SIX6: variants seen among roughly 807,000 people sequenced by gnomAD.
SIX6 encodes SIX homeobox 6, also known as homeobox protein SIX6.
Under a neutral mutation model 23.6 loss-of-function variants are expected in SIX6, and 14 were observed. The observed-to-expected ratio is 0.59, with a 90% CI of 0.39 to 0.93. The LOEUF (loss-of-function observed/expected upper bound fraction) is 0.93. Among genes scored for constraint, SIX6 ranks in the 40% least tolerant of loss-of-function variants. The probability of loss-of-function intolerance (pLI) is 0.00; values close to 1 mark genes in which losing one functional copy is unlikely to be tolerated. For missense variants in SIX6, 307 were observed against 325.6 expected, an observed-to-expected ratio of 0.94 and a Z score of 0.44; for synonymous variants, 128 against 144.9, an observed-to-expected ratio of 0.88 and a Z score of 0.84.
Position 60,509,471 on chromosome 14 carries a change from G to C in SIX6, c.73G>C (p.Gly25Arg). 6.2e-7 allele frequency: 1 copy of C among 1,600,814 alleles called. No individual in the cohort carries two copies. The highest frequency in any genetic ancestry group is 8.5e-7 in the Non-Finnish European group (1 of 1,179,940). Residue 25 changes from glycine to arginine, a missense_variant, in exon 1 of 2, where the codon GGC (glycine) becomes CGC (arginine). Transcript: ENST00000327720. Reference protein sequence around the residue: ...AGVCETLEESGDVERLGRFLW... With the variant: ...AGVCETLEESRDVERLGRFLW... Reference sequence around the variant, plus strand: ...GGTATGTGAGACCCTGGAAGAGAGCGGCGATGTGGAGCGCCTGGGTCGCTT... The same window carrying C: ...GGTATGTGAGACCCTGGAAGAGAGCCGCGATGTGGAGCGCCTGGGTCGCTT...
intron 1 of SIX6, 60 bp downstream of exon 1, chr14:60,510,030 C>T: frequency 7.0e-7 from 1 of 1,434,612 alleles, no homozygotes; most frequent in South Asian, 1.2e-5. Flanking sequence ...GTGGAGGCAC[C>T]TCTGGCGCCC....
rs1893303162 is a variant in SIX6 at position 60,512,037 on chromosome 14, GTATGTACCTA to G, written c.*788_*797del. On this transcript the variant is annotated 3_prime_UTR_variant, in exon 2 of 2. Transcript: ENST00000327720. ...TATGTATGTACCTATACAAACATAT[GTATGTACCTA>G]TACAAACATATGTATGTATGCATAC... is the stretch of plus-strand genomic sequence containing the variant. The G allele has an allele frequency of 4.6e-5, 7 of 151,356 alleles. No individual in the cohort carries two copies. The highest frequency in any genetic ancestry group is 7.4e-5 in the Non-Finnish European group (5 of 67,834). 9.4% of individuals were successfully genotyped at this position (151,356 alleles called of 1,614,324 possible).
Position 60,511,545 on chromosome 14 carries a change from C to A in SIX6, c.*293C>A, listed in dbSNP as rs1893294882. 2 of 551,276 alleles carry A rather than the reference C, an allele frequency of 3.6e-6. No homozygotes were observed. Among genetic ancestry groups the A allele is most frequent in the South Asian group, 2.1e-5 (1 of 48,718 alleles). The allele number at this position is 551,276 out of a possible 1,614,324, so 34.1% of individuals were successfully genotyped here. ...TGCAAAGTCTCCTTCGGAACCCGAA[C>A]TGCAAGCTGAGCGCCTGCCCAGATT... is the stretch of plus-strand genomic sequence containing the variant. On this transcript the variant is annotated 3_prime_UTR_variant, in exon 2 of 2. Transcript: ENST00000327720.
Position 60,511,166 on chromosome 14 carries a change from G to T in SIX6, c.655G>T (p.Ala219Ser), listed in dbSNP as rs1411963750. 1.9e-6 allele frequency: 3 copies of T among 1,611,846 alleles called. No homozygotes were observed. The highest frequency in any genetic ancestry group is 1.1e-5 in the South Asian group (1 of 91,038). Residue 219 changes from alanine (A) to serine (S), a missense_variant, in exon 2 of 2, where the codon GCC (alanine) becomes TCC (serine). Coordinates refer to ENST00000327720, the MANE Select transcript of SIX6 (RefSeq NM_007374.3). ...GDGTPEVLGV[A>S]TSPAASLSSK... ...CGGCACGCCAGAGGTGCTGGGCGTC[G>T]CCACCAGCCCGGCCGCCAGTCTATC...
chr14:60,510,168 TC>T (rs1468551434), intron 1 of SIX6, among the ~76,000 whole-genome samples, 198 bp downstream of exon 1: 2 of 152,068 alleles, frequency 1.3e-5, no homozygotes, highest in Non-Finnish European at 2.9e-5. Flanking sequence ...ACCCGCTGGC[TC>T]CCCACGCCTG....
At chr14:60,511,028 G>C in intron 1 of SIX6, 56 bp from the exon 2 acceptor site, 5 of 1,568,688 alleles carry the variant, frequency 3.2e-6, no homozygotes, top group Non-Finnish European at 4.3e-6. Flanking sequence ...TGGTGGGGGC[G>C]GGCGACGGGC....
rs763048653 is a variant in SIX6 at position 60,509,435 on chromosome 14, C to G, written c.37C>G (p.Gln13Glu). 2 of 1,599,760 alleles carry G rather than the reference C, an allele frequency of 1.3e-6. No homozygotes were observed. The highest frequency in any genetic ancestry group is 4.5e-5 in the East Asian group (2 of 44,878). ...QLPILNFSPQ[Q>E]VAGVCETLEE... is the part of the protein sequence containing the mutation. ...GCCCATCTTGAATTTCAGCCCCCAG[C>G]AAGTGGCCGGGGTATGTGAGACCCT... Residue 13 changes from glutamine (Q) to glutamate (E), a missense_variant, in exon 1 of 2, where the codon CAA (glutamine) becomes GAA (glutamate). By Grantham distance (29) the Gln-to-Glu change is conservative. Coordinates refer to ENST00000327720, the MANE Select transcript of SIX6 (RefSeq NM_007374.3).
At chr14:60,510,946 G>GA (rs1893281928) in intron 1 of SIX6, 138 bp from the exon 2 acceptor site, 1 of 877,678 alleles carries the variant, frequency 1.1e-6, no homozygotes, top group Non-Finnish European at 1.8e-6. Context: ...TCGCCTTGCC[G>GA]AGTAATCCTC....
At chr14:60,510,456 C>G (rs893086681) in intron 1 of SIX6, among the ~76,000 whole-genome samples, 10 of 152,198 alleles carry the variant, frequency 6.6e-5, no homozygotes, top group African/African-American at 2.4e-4. Flanking sequence ...AATGGGAAGT[C>G]GAGTTTTCCT....
In SIX6 at chr14:60,509,553, C is replaced by T. The variant is rs771046683; in HGVS notation, c.155C>T (p.Ser52Leu). ...AACEALNKNE[S>L]VLRARAIVAF... ...TGCGAGGCCCTCAACAAGAATGAGT[C>T]GGTGCTACGCGCACGAGCCATCGTG... The change falls in exon 1 of 2, where the codon TCG becomes TTG. Residue 52 changes from serine (S) to leucine (L), a missense_variant. Physicochemically the swap from Ser to Leu is moderately radical, Grantham distance 145. Transcript: ENST00000327720. 3.7e-6 allele frequency: 6 copies of T among 1,611,268 alleles called. No homozygotes were observed. The highest frequency in any genetic ancestry group is 5.1e-6 in the Non-Finnish European group (6 of 1,180,020).
chr14:60,510,450 G>A (rs1206086975), intron 1 of SIX6, among the ~76,000 whole-genome samples: 1 of 152,170 alleles, frequency 6.6e-6, no homozygotes, highest in Non-Finnish European at 1.5e-5. Context: ...TTGAGAAATG[G>A]GAAGTCGAGT....
rs1566691607 is a variant in SIX6, at chr14:60,511,171, C to A, written c.660C>A (p.Thr220=). The change falls in exon 2 of 2, where the codon ACC becomes ACA. Residue 220 remains threonine, a synonymous_variant. Transcript: ENST00000327720. ...DGTPEVLGVA[T]SPAASLSSKA... ...CGCCAGAGGTGCTGGGCGTCGCCAC[C>A]AGCCCGGCCGCCAGTCTATCCAGCA... 2 of 1,611,984 alleles carry A rather than the reference C, an allele frequency of 1.2e-6. No homozygotes were observed. Among genetic ancestry groups the A allele is most frequent in the Non-Finnish European group, 1.7e-6 (2 of 1,179,454 alleles).
Position 60,509,850 on chromosome 14 carries a change from C to T in SIX6, c.452C>T (p.Pro151Leu). Residue 151 changes from proline (P) to leucine (L), a missense_variant, in exon 1 of 2, where the codon CCA becomes CTA. Physicochemically the swap from Pro to Leu is moderately conservative, Grantham distance 98. Transcript: ENST00000327720. ...HLLREWYLQD[P>L]YPNPSKKREL... Reference sequence around the variant, plus strand: ...CTACGCGAGTGGTACCTGCAGGATCCATACCCTAACCCCAGCAAAAAACGT... The same window carrying T: ...CTACGCGAGTGGTACCTGCAGGATCTATACCCTAACCCCAGCAAAAAACGT... 1 of 1,613,910 alleles carries T rather than the reference C, an allele frequency of 6.2e-7. No homozygotes were observed.
Position 60,511,326 on chromosome 14 carries a change from G to A in SIX6, c.*74G>A. The A allele has an allele frequency of 6.7e-7, 1 of 1,495,680 alleles. No homozygotes were observed. Among genetic ancestry groups the A allele is most frequent in the African/African-American group, 1.4e-5 (1 of 72,802 alleles). The allele number at this position is 1,495,680 out of a possible 1,614,324, so 92.7% of individuals were successfully genotyped here. A position where few individuals can be genotyped will look rare whatever the true frequency, so the allele number is the denominator to read the frequency against. On this transcript the variant is annotated 3_prime_UTR_variant, in exon 2 of 2. Transcript: ENST00000327720. ...AAAACAAAATGAAAGAGGGGAAGAAGATGAGAGACCTGCAAATCCAGCGCC... is the reference window on the plus strand; with the variant it reads ...AAAACAAAATGAAAGAGGGGAAGAAAATGAGAGACCTGCAAATCCAGCGCC...
In SIX6 at chr14:60,509,564, G is replaced by C; in HGVS notation, c.166G>C (p.Ala56Pro). The C allele has an allele frequency of 6.2e-7, 1 of 1,612,060 alleles. No homozygotes were observed. Among genetic ancestry groups the C allele is most frequent in the Non-Finnish European group, 8.5e-7 (1 of 1,180,020 alleles). ...ALNKNESVLR[A>P]RAIVAFHGGN... is the part of the protein sequence containing the mutation. ...CAACAAGAATGAGTCGGTGCTACGC[G>C]CACGAGCCATCGTGGCCTTTCACGG... The change falls in exon 1 of 2, where the codon GCA becomes CCA. Residue 56 changes from alanine to proline, a missense_variant. Coordinates refer to ENST00000327720, the MANE Select transcript of SIX6 (RefSeq NM_007374.3).
In SIX6 at chr14:60,512,505, T is replaced by C. The variant is rs1893309841; in HGVS notation, c.*1253T>C. 6.6e-6 allele frequency: 1 copy of C among 152,156 alleles called. No individual in the cohort carries two copies. The allele number at this position is 152,156 out of a possible 1,614,324, so 9.4% of individuals were successfully genotyped here. A position where few individuals can be genotyped will look rare whatever the true frequency, so the allele number is the denominator to read the frequency against. On this transcript the variant is annotated 3_prime_UTR_variant, in exon 2 of 2. Coordinates refer to ENST00000327720, the MANE Select transcript of SIX6 (RefSeq NM_007374.3). ...AATGAATGGTTTTTAACAAGAGGGA[T>C]ACTGAGATGGGGGAAAGGATGTAAT... is the stretch of plus-strand genomic sequence containing the variant.
At position 60,509,470 on chromosome 14, in the gene SIX6, C is replaced by G; in HGVS notation, c.72C>G (p.Ser24Arg). The G allele has an allele frequency of 6.2e-7, 1 of 1,600,726 alleles. No homozygotes were observed. Among genetic ancestry groups the G allele is most frequent in the Non-Finnish European group, 8.5e-7 (1 of 1,179,952 alleles). Residue 24 changes from serine to arginine, a missense_variant, in exon 1 of 2, where the codon AGC (serine) becomes AGG (arginine). Coordinates refer to ENST00000327720, the MANE Select transcript of SIX6 (RefSeq NM_007374.3). ...VAGVCETLEESGDVERLGRFL... is the reference protein window; with the variant it reads ...VAGVCETLEERGDVERLGRFL... Reference sequence around the variant, plus strand: ...GGGTATGTGAGACCCTGGAAGAGAGCGGCGATGTGGAGCGCCTGGGTCGCT... The same window carrying G: ...GGGTATGTGAGACCCTGGAAGAGAGGGGCGATGTGGAGCGCCTGGGTCGCT...
In SIX6 at chr14:60,511,296, C is replaced by G; in HGVS notation, c.*44C>G. On this transcript the variant is annotated 3_prime_UTR_variant, in exon 2 of 2. Coordinates refer to ENST00000327720, the MANE Select transcript of SIX6 (RefSeq NM_007374.3). ...TCAGAAGCAGATTCCAGTGTAAAAA[C>G]GAGAAAAACAAAATGAAAGAGGGGA... is the stretch of plus-strand genomic sequence containing the variant. 1 of 1,599,718 alleles carries G rather than the reference C, an allele frequency of 6.3e-7. No homozygotes were observed. Among genetic ancestry groups the G allele is most frequent in the Non-Finnish European group, 8.6e-7 (1 of 1,167,686 alleles).
rs1893293102 is a variant in SIX6, at chr14:60,511,416, G to A, written c.*164G>A. Reference sequence around the variant, plus strand: ...CCGTTTCCCGCCCCACCCCGCGGCCGGCCTGGCTTCACTGGCGCCCTTTGG... The same window carrying A: ...CCGTTTCCCGCCCCACCCCGCGGCCAGCCTGGCTTCACTGGCGCCCTTTGG... On this transcript the variant is annotated 3_prime_UTR_variant, in exon 2 of 2. Coordinates refer to ENST00000327720, the MANE Select transcript of SIX6 (RefSeq NM_007374.3). The A allele has an allele frequency of 1.4e-5, 12 of 846,052 alleles. No individual in the cohort carries two copies. The East Asian group carries it at 3.2e-4, about 22-fold the overall frequency. The allele number at this position is 846,052 out of a possible 1,614,324, so 52.4% of individuals were successfully genotyped here.
Sources: allele counts gnomAD v4.1 joint callset (sites outside exome capture counted in the v4.1 genomes callset), GRCh38; gene constraint gnomAD v4.1.1; transcripts MANE v1.5; gene names NCBI Gene and HGNC (gene_info 2026-07-23, HGNC 2026-07-21).